Variants in USP31 observed in about 807,000 individuals in gnomAD.
USP31 encodes ubiquitin carboxyl-terminal hydrolase 31.
USP31 carries 44 observed loss-of-function variants against 119.4 expected under a neutral mutation model. That is an observed-to-expected ratio of 0.37 (90% CI 0.29 to 0.47). The LOEUF (loss-of-function observed/expected upper bound fraction) is 0.47, where lower values mean the gene tolerates loss of function less well. USP31 is among the 20% of genes least tolerant of loss of function. The pLI is 0.99. For synonymous variants in USP31, 749 were observed against 705.6 expected (o/e 1.06, Z -0.97); for missense variants, 1,643 against 1,730.2 (o/e 0.95, Z 0.89).
intron 11 of USP31, 117 bp downstream of exon 11, chr16:23,084,743 C>T: frequency 3.6e-6 from 5 of 1,391,228 alleles, no homozygotes; most frequent in Non-Finnish European, 4.9e-6. Flanking sequence ...TGCAGACTTA[C>T]ATATATGCAA....
Position 23,069,602 on chromosome 16 carries a change from G to C in USP31, c.2503C>G (p.Arg835Gly). ...CGCTGGACACTTCTCACAAATGGTC[G>C]AGTTGAAAAGCCTCCTGAACACAGT... ...RSEDDGGFST[R>G]PFVRSVQRQS... Residue 835 changes from arginine to glycine, a missense_variant, in exon 16 of 16, where the codon CGA becomes GGA. By Grantham distance (125) the Arg-to-Gly change is moderately radical. Around this residue, in one of 5 missense-constraint regions of USP31, gnomAD observed 279 missense variants for 372.2 expected, o/e 0.75. Transcript: ENST00000219689. 6.2e-7 allele frequency: 1 copy of C among 1,607,066 alleles called. No individual in the cohort carries two copies. Among genetic ancestry groups the C allele is most frequent in the Non-Finnish European group, 8.5e-7 (1 of 1,174,720 alleles).
intron 1 of USP31, among the ~76,000 whole-genome samples, chr16:23,117,440 T>A (rs1418597631): frequency 2.0e-5 from 3 of 152,224 alleles, no homozygotes; most frequent in Admixed American, 1.3e-4. Flanking sequence ...AGGGGTTGAA[T>A]AATGGTTACT....
intron 1 of USP31, among the ~76,000 whole-genome samples, chr16:23,128,522 A>T (rs1902934883): frequency 6.6e-6 from 1 of 152,242 alleles, no homozygotes; most frequent in Admixed American, 6.5e-5. Context: ...AAACTGAAAA[A>T]TAAAGGAGGG....
chr16:23,068,331 A>C lies in USP31; in HGVS notation c.3774T>G (p.Ser1258=). ...ALLSKKAGGS[S]VKSVCKNTGD... The stretch of plus-strand genomic sequence containing the variant: ...CGGTGTTCTTACAGACAGACTTAAC[A>C]GAGCTCCCACCAGCCTTTTTAGAGA... Residue 1258 remains serine (S), a synonymous_variant, in exon 16 of 16, where the codon TCT becomes TCG. Coordinates refer to ENST00000219689, the MANE Select transcript of USP31 (RefSeq NM_020718.4). 6.2e-7 allele frequency: 1 copy of C among 1,614,164 alleles called. No individual in the cohort carries two copies. Among genetic ancestry groups the C allele is most frequent in the Non-Finnish European group, 8.5e-7 (1 of 1,180,010 alleles).
In USP31 at chr16:23,122,932, G is replaced by A. The variant is rs113130507; in HGVS notation, c.634-14749C>T. Among the ~76,000 whole-genome samples, 922 of 152,278 alleles carry A rather than the reference G, an allele frequency of 6.1e-3. 7 individuals are homozygous for A. The highest frequency in any genetic ancestry group is 0.021 in the African/African-American group (867 of 41,552). On this transcript the variant is annotated intron_variant, in intron 1 of 15. Transcript: ENST00000219689. ...GTACACTAAATGGATGAATTAAATCGTAGGTTAACTGTATTTCAATAAAGC... is the reference window on the plus strand; with the variant it reads ...GTACACTAAATGGATGAATTAAATCATAGGTTAACTGTATTTCAATAAAGC...
chr16:23,129,118 A>G (rs916111976), intron 1 of USP31, among the ~76,000 whole-genome samples: 1 of 152,146 alleles, frequency 6.6e-6, no homozygotes, highest in Non-Finnish European at 1.5e-5. Context: ...AACAGCCCAC[A>G]ATAGATTGGA....
At chr16:23,076,467 G>A (rs1455398733) in intron 13 of USP31, among the ~76,000 whole-genome samples, 3 of 152,098 alleles carry the variant, frequency 2.0e-5, no homozygotes, top group Admixed American at 1.3e-4. Context: ...CACATCCTGG[G>A]TAATGGGTTC....
intron 1 of USP31, among the ~76,000 whole-genome samples, chr16:23,121,020 C>T (rs1184314501): frequency 1.3e-5 from 2 of 152,102 alleles, no homozygotes; most frequent in East Asian, 1.9e-4. Context: ...ACTGAACAGC[C>T]GATTTTATAA....
chr16:23,068,130 A>T lies in USP31; in HGVS notation c.3975T>A (p.Gly1325=). 1 of 1,614,208 alleles carries T rather than the reference A, an allele frequency of 6.2e-7. No individual in the cohort carries two copies. The highest frequency in any genetic ancestry group is 8.5e-7 in the Non-Finnish European group (1 of 1,180,044). ...AGGATTTCTCTGCAGACTGCCTGCC[A>T]CCCGGAGACGAGGGAACTCCAGAGT... ...QLDSGVPSSP[G]GRQSAEKSSK... Residue 1325 remains glycine (G), a synonymous_variant, in exon 16 of 16, where the codon GGT becomes GGA. Transcript: ENST00000219689.
rs756220977 is a variant in USP31 at position 23,087,087 on chromosome 16, T to G, written c.1622+5A>C. 4.4e-6 allele frequency: 7 copies of G among 1,602,478 alleles called. No individual in the cohort carries two copies. The highest frequency in any genetic ancestry group is 2.7e-5 in the African/African-American group (2 of 74,042). On this transcript the variant is annotated splice_donor_5th_base_variant and intron_variant, in intron 9 of 15. Transcript: ENST00000219689. Reference sequence around the variant, plus strand: ...AAAGGTAATTTAAAAAAAAATTTTTTTTACCTTTCTACTATTGGGTGGCAC... The same window carrying G: ...AAAGGTAATTTAAAAAAAAATTTTTGTTACCTTTCTACTATTGGGTGGCAC...
intron 14 of USP31, 112 bp downstream of exon 14, chr16:23,073,610 T>A: frequency 7.7e-7 from 1 of 1,298,706 alleles, no homozygotes; most frequent in Non-Finnish European, 1.1e-6. Flanking sequence ...AACGTAAGGA[T>A]TCATCTGATC....
At chr16:23,100,765 A>G (rs956820343) in intron 6 of USP31, among the ~76,000 whole-genome samples, 4 of 152,154 alleles carry the variant, frequency 2.6e-5, no homozygotes, top group African/African-American at 9.7e-5. Context: ...AGAGAGAGAA[A>G]GTCGAATAAT....
chr16:23,079,914 A>C (rs756187466), intron 13 of USP31, 32 bp downstream of exon 13: 1 of 1,554,564 alleles, frequency 6.4e-7, no homozygotes. Context: ...AGGACTCGCC[A>C]GCACAGACAC....
chr16:23,104,803 T>G (rs1902024109), intron 5 of USP31, among the ~76,000 whole-genome samples: 1 of 152,214 alleles, frequency 6.6e-6, no homozygotes, highest in Non-Finnish European at 1.5e-5. Context: ...TAATAGTAAA[T>G]TGAGTAAAAG....
chr16:23,111,053 G>A lies in USP31; in HGVS notation c.634-2870C>T, dbSNP rs563638746. ...TGAGGCAGGAGAATGGCGTGAACCCGGGAGGCAGCGCTTGCAGTGAGCCAA... is the reference window on the plus strand; with the variant it reads ...TGAGGCAGGAGAATGGCGTGAACCCAGGAGGCAGCGCTTGCAGTGAGCCAA... On this transcript the variant is annotated intron_variant, in intron 1 of 15. Coordinates refer to ENST00000219689, the MANE Select transcript of USP31 (RefSeq NM_020718.4). Among the ~76,000 whole-genome samples, 7 of 152,254 alleles carry A rather than the reference G, an allele frequency of 4.6e-5. No individual in the cohort carries two copies. The South Asian group carries it at 1.0e-3, about 23-fold the overall frequency.
At chr16:23,097,824 A>C (rs1172414872) in intron 6 of USP31, among the ~76,000 whole-genome samples, 1 of 152,238 alleles carries the variant, frequency 6.6e-6, no homozygotes, top group Admixed American at 6.5e-5. Context: ...AACGTGTATC[A>C]AAATAATAAG....
At chr16:23,106,712 A>G (rs1902122576) in intron 2 of USP31, among the ~76,000 whole-genome samples, 1 of 152,182 alleles carries the variant, frequency 6.6e-6, no homozygotes, top group South Asian at 2.1e-4. Flanking sequence ...GTCTCTGCAC[A>G]GCACTCAGCC....
intron 1 of USP31, among the ~76,000 whole-genome samples, chr16:23,112,969 A>G (rs1239619229): frequency 6.6e-6 from 1 of 151,982 alleles, no homozygotes; most frequent in African/African-American, 2.4e-5. Flanking sequence ...TGGAGGTTGC[A>G]GTGAGCCGAG....
At chr16:23,146,966 TA>T (rs35550112) in intron 1 of USP31, among the ~76,000 whole-genome samples, 30,641 of 131,580 alleles carry the variant, frequency 0.23, 3,322 homozygotes, top group Admixed American at 0.32. Context: ...TTGTTCTGTT[TA>T]AAAAAAAAAA....
Sources: allele counts gnomAD v4.1 joint callset (sites outside exome capture counted in the v4.1 genomes callset), GRCh38; gene constraint gnomAD v4.1.1; regional missense constraint gnomAD v4.1.1; transcripts MANE v1.5; gene names NCBI Gene and HGNC (gene_info 2026-07-23, HGNC 2026-07-21).